The following CDH23 variants were observed in gnomAD, a reference collection of about 807,000 sequenced individuals.
The protein encoded by CDH23 is cadherin related 23, also known as cadherin-23.
A neutral mutation model predicts 317.1 loss-of-function variants in CDH23; 189 were observed. The observed-to-expected ratio is 0.60, with a 90% confidence interval of 0.53 to 0.67. The LOEUF (loss-of-function observed/expected upper bound fraction) is 0.67. Ranked by LOEUF, CDH23 falls within the 30% of genes least tolerant of loss-of-function variation. The pLI is 0.00. For synonymous variants in CDH23, 1,839 were observed against 1,876.8 expected, an observed-to-expected ratio of 0.98 and a Z score of 0.52; for missense variants, 4,401 against 4,592.4, an observed-to-expected ratio of 0.96 and a Z score of 1.20.
intron 3 of CDH23, among the ~76,000 whole-genome samples, chr10:71,473,621 A>C (rs922859081): frequency 8.5e-5 from 13 of 152,238 alleles, no homozygotes; most frequent in African/African-American, 3.1e-4. Context: ...TCTCGTCTGT[A>C]AAATGGAGAT....
intron 11 of CDH23, among the ~76,000 whole-genome samples, chr10:71,621,472 T>C (rs934292727): frequency 6.6e-6 from 1 of 152,346 alleles, no homozygotes; most frequent in African/African-American, 2.4e-5. Flanking sequence ...CAGGCCCTCA[T>C]GCTCTGCCTG....
At position 71,807,807 on chromosome 10, in the gene CDH23, C is replaced by T. The variant is rs760124260; in HGVS notation, c.8561-39C>T. Reference sequence around the variant, plus strand: ...GCCTGGGCACGAGGTGTGGGGTGGCCCCTGCCCTGCCACTTACACCACCTG... The same window carrying T: ...GCCTGGGCACGAGGTGTGGGGTGGCTCCTGCCCTGCCACTTACACCACCTG... On this transcript the variant is annotated intron_variant, in intron 59 of 69. Coordinates refer to ENST00000224721, the MANE Select transcript of CDH23 (RefSeq NM_022124.6). 3 of 1,585,642 alleles carry T rather than the reference C, an allele frequency of 1.9e-6. No homozygotes were observed. The Admixed American group carries it at 5.4e-5, about 29-fold the overall frequency.
chr10:71,399,400 G>C (rs1847682043), intron 1 of CDH23, among the ~76,000 whole-genome samples: 1 of 152,184 alleles, frequency 6.6e-6, no homozygotes, highest in African/African-American at 2.4e-5. Context: ...TAGTTCCTTG[G>C]TGCAGAGTGT....
intron 3 of CDH23, among the ~76,000 whole-genome samples, chr10:71,507,066 G>A (rs1418937712): frequency 6.6e-6 from 1 of 152,166 alleles, no homozygotes; most frequent in African/African-American, 2.4e-5. Context: ...AGGCCAGGGT[G>A]GTCTTCCCAG....
intron 11 of CDH23, among the ~76,000 whole-genome samples, chr10:71,627,010 T>C (rs112218320): frequency 2.8e-4 from 42 of 152,304 alleles, no homozygotes; most frequent in African/African-American, 9.6e-4. Context: ...CTGGATGTTC[T>C]TATTTTGAAA....
chr10:71,799,373 C>T, intron 51 of CDH23, 93 bp downstream of exon 51: 2 of 1,603,926 alleles, frequency 1.2e-6, no homozygotes, highest in South Asian at 1.1e-5. Context: ...AGCCTCTAAG[C>T]CCCCTGGGAG....
intron 14 of CDH23, among the ~76,000 whole-genome samples, chr10:71,673,261 A>G (rs1236429465): frequency 6.6e-6 from 1 of 152,180 alleles, no homozygotes; most frequent in Admixed American, 6.5e-5. Context: ...ACAAAGGCAA[A>G]TGATGGGGGC....
chr10:71,554,266 C>T (rs1220768253), intron 6 of CDH23, among the ~76,000 whole-genome samples: 2 of 152,168 alleles, frequency 1.3e-5, no homozygotes, highest in Admixed American at 6.5e-5. Flanking sequence ...AGTGCAGTCA[C>T]AGCTCACTGC....
intron 9 of CDH23, among the ~76,000 whole-genome samples, chr10:71,589,471 T>C (rs1194174633): frequency 6.6e-6 from 1 of 152,230 alleles, no homozygotes; most frequent in African/African-American, 2.4e-5. Flanking sequence ...AAGAAAGCTT[T>C]CTTTTAGCCA....
At chr10:71,466,865 C>G (rs1851278946) in intron 3 of CDH23, among the ~76,000 whole-genome samples, 1 of 151,768 alleles carries the variant, frequency 6.6e-6, no homozygotes, top group Admixed American at 6.6e-5. Flanking sequence ...ATTGACAAGA[C>G]AGCATGAGGG....
In CDH23 at chr10:71,420,335, G is replaced by A. The variant is rs573619193; in HGVS notation, c.-5-19492G>A. Among the ~76,000 whole-genome samples, 8 of 151,308 alleles carry A rather than the reference G, an allele frequency of 5.3e-5. No homozygotes were observed. The East Asian group carries it at 1.6e-3, about 30-fold the overall frequency. Reference sequence around the variant, plus strand: ...AGACACCTAGGCTTCGCTCCCAGAAGTTGTCCTTTTCTGCTTTCTCAGTGT... The same window carrying A: ...AGACACCTAGGCTTCGCTCCCAGAAATTGTCCTTTTCTGCTTTCTCAGTGT... On this transcript the variant is annotated intron_variant, in intron 1 of 69. Transcript: ENST00000224721.
intron 38 of CDH23, among the ~76,000 whole-genome samples, chr10:71,765,025 T>C (rs571928938): frequency 6.6e-6 from 1 of 152,208 alleles, no homozygotes; most frequent in Non-Finnish European, 1.5e-5. Context: ...GTGGGGTGGG[T>C]GTAGCTGCAA....
chr10:71,577,139 C>T (rs181067593), intron 8 of CDH23, among the ~76,000 whole-genome samples: 12 of 152,270 alleles, frequency 7.9e-5, no homozygotes, highest in East Asian at 1.9e-4. Flanking sequence ...TATGTGTATT[C>T]GCACTCCTAA....
chr10:71,428,879 C>T (rs1849239807), intron 1 of CDH23, among the ~76,000 whole-genome samples: 1 of 152,192 alleles, frequency 6.6e-6, no homozygotes, highest in Non-Finnish European at 1.5e-5. Context: ...CCTGAGCCAC[C>T]ACGCCTGGCT....
Position 71,787,105 on chromosome 10 carries a change from A to G in CDH23, c.5820+1367A>G, listed in dbSNP as rs192513975. On this transcript the variant is annotated intron_variant, in intron 44 of 69. Coordinates refer to ENST00000224721, the MANE Select transcript of CDH23 (RefSeq NM_022124.6). ...AATGAACTCCAGCCAGGGCAACAGG[A>G]AGGCCTTGAAGGTCGAGAAACAGGA... Among the ~76,000 whole-genome samples, 176 of 152,254 alleles carry G rather than the reference A, an allele frequency of 1.2e-3. No homozygotes were observed. The South Asian group carries it at 0.016, about 14-fold the overall frequency.
rs1589342480 is a variant in CDH23 at position 71,694,354 on chromosome 10, G to A, written c.2289+95G>A. On this transcript the variant is annotated intron_variant, in intron 21 of 69. Coordinates refer to ENST00000224721, the MANE Select transcript of CDH23 (RefSeq NM_022124.6). ...CTGGACCCCCGTGTCCTGAGCCAGT[G>A]TGAGGCTTTGTGAGAATGAGCAAGG... 1.1e-6 allele frequency: 1 copy of A among 912,064 alleles called. No homozygotes were observed. 56.5% of individuals were successfully genotyped at this position (912,064 alleles called of 1,614,324 possible).
intron 3 of CDH23, among the ~76,000 whole-genome samples, chr10:71,468,794 C>A (rs1473952850): frequency 6.6e-6 from 1 of 152,224 alleles, no homozygotes; most frequent in Admixed American, 6.5e-5. Flanking sequence ...TCCCTGTACC[C>A]CTCTGCCGGG....
chr10:71,397,634 G>T lies in CDH23; in HGVS notation c.-6+316G>T, dbSNP rs529190603. Among the ~76,000 whole-genome samples, 3 of 152,212 alleles carry T rather than the reference G, an allele frequency of 2.0e-5. No homozygotes were observed. In the East Asian group the frequency reaches 5.9e-4, roughly 30 times the overall value. On this transcript the variant is annotated intron_variant, in intron 1 of 69. Coordinates refer to ENST00000224721, the MANE Select transcript of CDH23 (RefSeq NM_022124.6). This position sits in a 1 kb window ranked among gnomAD's most constrained non-coding sequence, Gnocchi z 4.8. ...GTCCTGGGACCGCGAACATTTGGGG[G>T]CTTTGCTCTCGGCGCTACGGAGAGG...
chr10:71,796,507 TCCCCTCCAGGGAA>T (rs1841407610), intron 48 of CDH23, among the ~76,000 whole-genome samples: 1 of 152,202 alleles, frequency 6.6e-6, no homozygotes, highest in Non-Finnish European at 1.5e-5. Flanking sequence ...CCCACCACTG[TCCCCTCCAGGGAA>T]CCCCTCAGGG....
Sources: allele counts gnomAD v4.1 joint callset (sites outside exome capture counted in the v4.1 genomes callset), GRCh38; gene constraint gnomAD v4.1.1; non-coding constraint Gnocchi (gnomAD v3.1); transcripts MANE v1.5; gene names NCBI Gene and HGNC (gene_info 2026-07-23, HGNC 2026-07-21).